Variants in ZNF831 observed in about 807,000 individuals in gnomAD.
ZNF831 encodes the protein zinc finger protein 831, also known as chromosome 20 open reading frame 174.
Under a neutral mutation model 95.8 loss-of-function variants are expected in ZNF831, and 59 were observed. The ratio of observed to expected loss-of-function variants is 0.62; its 90% CI spans 0.50 to 0.77. ZNF831 has a LOEUF of 0.77. ZNF831 is among the 30% of genes least tolerant of loss of function. The pLI, the probability that ZNF831 is intolerant of heterozygous loss-of-function variation, is 0.00. For missense variants in ZNF831, 2,205 were observed against 2,164.0 expected (o/e 1.02, Z -0.38); for synonymous variants, 961 against 925.5 (o/e 1.04, Z -0.70).
intron 1 of ZNF831, among the ~76,000 whole-genome samples, chr20:59,167,559 T>A (rs1981379903): frequency 6.6e-6 from 1 of 152,156 alleles, no homozygotes; most frequent in Non-Finnish European, 1.5e-5. Flanking sequence ...TGTGCTTTTT[T>A]TCCCCTAAGC....
At chr20:59,149,828 T>C (rs1055096493) in intron 2 of ZNF831, among the ~76,000 whole-genome samples, 1 of 152,266 alleles carries the variant, frequency 6.6e-6, no homozygotes, top group Non-Finnish European at 1.5e-5. Flanking sequence ...TTCTGTGGAA[T>C]GTTCCAGCTG....
chr20:59,175,874 C>T (rs1982114598), intron 1 of ZNF831, among the ~76,000 whole-genome samples: 1 of 152,198 alleles, frequency 6.6e-6, no homozygotes, highest in Non-Finnish European at 1.5e-5. Flanking sequence ...AGTGACCCTT[C>T]TGTGTTAGCT....
upstream of ZNF831, among the ~76,000 whole-genome samples, chr20:59,161,154 G>A (rs1980830605): frequency 6.6e-6 from 1 of 152,130 alleles, no homozygotes; most frequent in Non-Finnish European, 1.5e-5. Context: ...CTTTTAAAGT[G>A]TCGGATTCAG....
chr20:59,193,162 G>A lies in ZNF831; in HGVS notation c.2143G>A (p.Ala715Thr), dbSNP rs1268927804. ...TEPTKHGETV[A>T]RRGDSDRPRV... is the part of the protein sequence containing the mutation. ...ACCCACTAAGCATGGGGAGACGGTG[G>A]CCAGGAGAGGAGACAGTGACCGACC... Residue 715 changes from alanine to threonine, a missense_variant, in exon 2 of 6, where the codon GCC becomes ACC. Physicochemically the swap from Ala to Thr is moderately conservative, Grantham distance 58 (BLOSUM62 0). Coordinates refer to ENST00000371030, the MANE Select transcript of ZNF831 (RefSeq NM_178457.3). 2.5e-6 allele frequency: 4 copies of A among 1,574,324 alleles called. No individual in the cohort carries two copies. Among genetic ancestry groups the A allele is most frequent in the Middle Eastern group, 1.7e-4 (1 of 6,038 alleles).
At position 59,253,063 on chromosome 20, in the gene ZNF831, C is replaced by T. The variant is rs779712864; in HGVS notation, c.4113C>T (p.Cys1371=). ...CGKEEKKEGD[C]RQTLGTLSLG... Reference sequence around the variant, plus strand: ...AGGAAGAGAAGAAGGAAGGTGACTGCAGACAAACCTTAGGAACCCTCTCTC... The same window carrying T: ...AGGAAGAGAAGAAGGAAGGTGACTGTAGACAAACCTTAGGAACCCTCTCTC... Residue 1371 remains cysteine, a synonymous_variant, in exon 5 of 6, where the codon TGC becomes TGT. Transcript: ENST00000371030. The T allele has an allele frequency of 1.2e-6, 2 of 1,614,076 alleles. No individual in the cohort carries two copies. The highest frequency in any genetic ancestry group is 2.2e-5 in the South Asian group (2 of 91,066).
chr20:59,195,861 G>A lies in ZNF831; in HGVS notation c.3739-8G>A. On this transcript the variant is annotated splice_region_variant and splice_polypyrimidine_tract_variant and intron_variant, in intron 2 of 5. Coordinates refer to ENST00000371030, the MANE Select transcript of ZNF831 (RefSeq NM_178457.3). The stretch of plus-strand genomic sequence containing the variant: ...GTAATGTGATGCCAACATGCTTGGT[G>A]TTTTCAGTTCTCCTACCCAACAGTC... The A allele has an allele frequency of 1.2e-6, 2 of 1,610,300 alleles. No homozygotes were observed. Among genetic ancestry groups the A allele is most frequent in the East Asian group, 2.2e-5 (1 of 44,854 alleles).
intron 1 of ZNF831, among the ~76,000 whole-genome samples, chr20:59,128,813 G>A (rs865777214): frequency 3.3e-5 from 5 of 152,330 alleles, no homozygotes; most frequent in Middle Eastern, 3.4e-3. Flanking sequence ...CCAGGCTGGA[G>A]TGCAGTGGTG....
intron 4 of ZNF831, among the ~76,000 whole-genome samples, chr20:59,219,177 C>G (rs982564865): frequency 1.3e-5 from 2 of 152,144 alleles, no homozygotes; most frequent in African/African-American, 4.8e-5. Context: ...TTGTGAGCCA[C>G]TGAGTGTCTT....
intron 4 of ZNF831, among the ~76,000 whole-genome samples, chr20:59,228,404 AACTAACTTCCATGCT>A (rs1295768742): frequency 6.6e-6 from 1 of 150,412 alleles, no homozygotes; most frequent in African/African-American, 2.4e-5. Context: ...GCTGACAGCC[AACTAACTTCCATGCT>A]GCCAACCAAC....
chr20:59,192,093 G>GCCCTGCAGCC lies in ZNF831; in HGVS notation c.1082_1091dup (p.His364GlnfsTer95). On this transcript the variant is annotated frameshift_variant, in exon 2 of 6. Coordinates refer to ENST00000371030, the MANE Select transcript of ZNF831 (RefSeq NM_178457.3). LOFTEE classifies it high-confidence loss of function. This position sits in a 1 kb window ranked among gnomAD's most constrained non-coding sequence, Gnocchi z 5.2. Reference sequence around the variant, plus strand: ...CCGACAGCGCGGAGCAGCCGCATGCGCCCTGCAGCCCCCTGCACAGCCTTT... The same window carrying GCCCTGCAGCC: ...CCGACAGCGCGGAGCAGCCGCATGCGCCCTGCAGCCCCCTGCAGCCCCCTGCACAGCCTTT... 1 of 1,597,422 alleles carries GCCCTGCAGCC rather than the reference G, an allele frequency of 6.3e-7. No homozygotes were observed. The highest frequency in any genetic ancestry group is 8.5e-7 in the Non-Finnish European group (1 of 1,175,570).
chr20:59,145,480 C>G (rs1196086782), intron 1 of ZNF831, among the ~76,000 whole-genome samples: 1 of 152,178 alleles, frequency 6.6e-6, no homozygotes, highest in Non-Finnish European at 1.5e-5. Context: ...GCAACATTTC[C>G]CAAAGTCATT....
At chr20:59,125,113 T>G (rs758294122) in intron 1 of ZNF831, among the ~76,000 whole-genome samples, 35 of 152,186 alleles carry the variant, frequency 2.3e-4, no homozygotes, top group Non-Finnish European at 4.4e-4. Context: ...GGACTAGATG[T>G]GATGCCTGTG....
intron 3 of ZNF831, among the ~76,000 whole-genome samples, chr20:59,201,292 AGT>A (rs1396689059): frequency 6.6e-6 from 1 of 152,122 alleles, no homozygotes. Context: ...TCTCTGGCGA[AGT>A]GTCTCTTCAA....
rs185591450 is a variant in ZNF831 at position 59,128,039 on chromosome 20, C to T, written c.-1425+4534C>T. 4.1e-4 allele frequency among the ~76,000 whole-genome samples: 63 copies of T among 152,272 alleles called. 1 individual carries two copies. Among genetic ancestry groups the T allele is most frequent in the African/African-American group, 1.4e-3 (59 of 41,554 alleles). ...TGGCCCAGTGTGAGGCGTTTGCAAC[C>T]GTGCGTGTGCAGCACATGTGCGTGC... On this transcript the variant is annotated intron_variant, in intron 1 of 7. Transcript: ENST00000637017.
In ZNF831 at chr20:59,193,735, C is replaced by G. The variant is rs1983824023; in HGVS notation, c.2716C>G (p.Leu906Val). The G allele has an allele frequency of 6.2e-7, 1 of 1,610,526 alleles. No homozygotes were observed. Among genetic ancestry groups the G allele is most frequent in the Admixed American group, 1.7e-5 (1 of 59,768 alleles). ...RVGPRDKATP[L>V]HPAAPAPAEH... The stretch of plus-strand genomic sequence containing the variant: ...GGGGCCAAGGGACAAGGCTACCCCA[C>G]TGCATCCTGCAGCCCCAGCCCCCGC... The change falls in exon 2 of 6, where the codon CTG becomes GTG. Residue 906 changes from leucine to valine, a missense_variant. By Grantham distance (32) the Leu-to-Val change is conservative (BLOSUM62 1). Coordinates refer to ENST00000371030, the MANE Select transcript of ZNF831 (RefSeq NM_178457.3).
intron 4 of ZNF831, among the ~76,000 whole-genome samples, chr20:59,220,047 C>T (rs974980538): frequency 6.6e-6 from 1 of 152,112 alleles, no homozygotes; most frequent in Non-Finnish European, 1.5e-5. Flanking sequence ...ACTCTCATAC[C>T]TTCAATCCCA....
rs1383605712 is a variant in ZNF831 at position 59,254,784 on chromosome 20, G to T, written c.*41G>T. 6.4e-7 allele frequency: 1 copy of T among 1,560,988 alleles called. No homozygotes were observed. Among genetic ancestry groups the T allele is most frequent in the South Asian group, 1.2e-5 (1 of 80,676 alleles). On this transcript the variant is annotated 3_prime_UTR_variant, in exon 6 of 6. Coordinates refer to ENST00000371030, the MANE Select transcript of ZNF831 (RefSeq NM_178457.3). The surrounding 1 kb of genome is among the most constrained non-coding windows in gnomAD (Gnocchi z 4.5). ...ATGGTGTCTGGTCAAAAAGACTGTT[G>T]ACGCTTCACAAGTAAATGTTGTCAG...
intron 4 of ZNF831, among the ~76,000 whole-genome samples, chr20:59,213,085 A>C (rs1161475942): frequency 1.3e-5 from 2 of 152,212 alleles, no homozygotes; most frequent in Non-Finnish European, 2.9e-5. Flanking sequence ...AAGTCTTTGG[A>C]AAGATTGATA....
intron 2 of ZNF831, 27 bp downstream of exon 2, chr20:59,194,784 C>G (rs372602108): frequency 3.3e-6 from 5 of 1,528,646 alleles, no homozygotes; most frequent in South Asian, 1.3e-5. Context: ...CCCCAGGGCC[C>G]GGGGTTGAGA....
Sources: gnomAD v4.1 joint callset for allele counts (sites outside exome capture counted in the v4.1 genomes callset) on GRCh38, gnomAD v4.1.1 for gene constraint, Gnocchi (gnomAD v3.1) non-coding constraint, MANE v1.5 for transcripts, NCBI Gene and HGNC (gene_info 2026-07-23, HGNC 2026-07-21) for gene names.